Variants in ZFP1 observed in about 807,000 individuals in gnomAD.
ZFP1 encodes the protein zinc finger protein 1 homolog.
In ZFP1, 32 loss-of-function variants were observed where a neutral mutation model predicts 38.5. The ratio of observed to expected loss-of-function variants is 0.83; its 90% CI spans 0.63 to 1.12. The LOEUF (loss-of-function observed/expected upper bound fraction) is 1.12. ZFP1 is among the 50% of genes most tolerant of loss of function. The pLI is 0.00. For missense variants in ZFP1, 616 were observed against 480.8 expected (o/e 1.28, Z -2.63); for synonymous variants, 245 against 168.8 (o/e 1.45, Z -3.50).
rs2038421345 is a variant in ZFP1, at chr16:75,171,325, T to A, written c.*991T>A. On this transcript the variant is annotated 3_prime_UTR_variant, in exon 4 of 4. Transcript: ENST00000570010. ...CATTTCAGAGACTTTAGAGGAAAAA[T>A]TATTTTAAATAACTGTCAACTGTTT... The A allele has an allele frequency of 6.6e-6, 1 of 152,176 alleles. No homozygotes were observed. Among genetic ancestry groups the A allele is most frequent in the Non-Finnish European group, 1.5e-5 (1 of 68,044 alleles). 9.4% of individuals were successfully genotyped at this position (152,176 alleles called of 1,614,324 possible). A position where few individuals can be genotyped will look rare whatever the true frequency, so the allele number is the denominator to read the frequency against.
chr16:75,166,580 T>G (rs2038094580), intron 2 of ZFP1, 190 bp from the exon 3 acceptor site: 1 of 985,168 alleles, frequency 1.0e-6, no homozygotes, highest in South Asian at 4.7e-5. Context: ...GTGCCAGAGA[T>G]ATAGGGGAAT....
At chr16:75,144,397 C>A (rs546094009), upstream of ZFP1, among the ~76,000 whole-genome samples, 34 of 152,240 alleles carry the variant, frequency 2.2e-4, no homozygotes, top group African/African-American at 7.9e-4. Context: ...TAGTGTTTCC[C>A]CAAATTCTCC....
chr16:75,153,623 C>A (rs1461436919), intron 2 of ZFP1, among the ~76,000 whole-genome samples: 1 of 152,072 alleles, frequency 6.6e-6, no homozygotes, highest in Non-Finnish European at 1.5e-5. Context: ...CCCTCATTCC[C>A]AACCCCTACC....
At chr16:75,163,743 C>G (rs1488912174) in intron 2 of ZFP1, among the ~76,000 whole-genome samples, 1 of 151,894 alleles carries the variant, frequency 6.6e-6, no homozygotes, top group African/African-American at 2.4e-5. Context: ...TCCCACATAG[C>G]TGGGACTACA....
At chr16:75,153,040 A>G in intron 2 of ZFP1, 74 bp downstream of exon 2, 1 of 1,572,056 alleles carries the variant, frequency 6.4e-7, no homozygotes, top group Admixed American at 1.8e-5. Context: ...AGAAAATGAA[A>G]TAGAAAAGTA....
At chr16:75,131,954 C>T in the ZFP1 span, among the ~76,000 whole-genome samples, 1 of 149,970 alleles carries the variant, frequency 6.7e-6, no homozygotes, top group East Asian at 2.0e-4. Context: ...GACAGAGTGA[C>T]AGAGATTCCA....
At chr16:75,167,022 A>G (rs2038125611) in intron 3 of ZFP1, 126 bp downstream of exon 3, 18 of 1,486,998 alleles carry the variant, frequency 1.2e-5, no homozygotes, top group Middle Eastern at 1.8e-4. Flanking sequence ...ATTAAACCTG[A>G]GAGATCTTGC....
the ZFP1 span, among the ~76,000 whole-genome samples, chr16:75,122,899 G>A: frequency 8.6e-3 from 1,303 of 152,250 alleles, 11 homozygotes; most frequent in Non-Finnish European, 0.013. Context: ...TGCAATGGCA[G>A]TTCCATAATT....
intron 2 of ZFP1, 110 bp downstream of exon 2, chr16:75,153,076 C>T: frequency 7.1e-7 from 1 of 1,404,806 alleles, no homozygotes; most frequent in Non-Finnish European, 9.7e-7. Flanking sequence ...GGAAACATAG[C>T]AAGAATAACT....
the ZFP1 span, among the ~76,000 whole-genome samples, chr16:75,130,576 T>A: frequency 1.3e-5 from 2 of 152,188 alleles, no homozygotes; most frequent in South Asian, 4.1e-4. Context: ...TGAGATCTTA[T>A]TGGGAAGCTG....
At chr16:75,133,281 C>A in the ZFP1 span, among the ~76,000 whole-genome samples, 2 of 152,088 alleles carry the variant, frequency 1.3e-5, no homozygotes, top group East Asian at 3.9e-4. Context: ...TGGCCTTTAA[C>A]TTTTATTTTA....
In ZFP1 at chr16:75,170,112, C is replaced by T. The variant is rs2038343211; in HGVS notation, c.1002C>T (p.Ile334=). ...GCAGTGAATGTGGAAAATCCTTTAT[C>T]CAGAACTCACAGCTCATCATACACA... ...YECSECGKSF[I]QNSQLIIHMR... The change falls in exon 4 of 4, where the codon ATC becomes ATT. Residue 334 remains isoleucine, a synonymous_variant. Transcript: ENST00000570010. 1.2e-6 allele frequency: 2 copies of T among 1,613,832 alleles called. No individual in the cohort carries two copies. The highest frequency in any genetic ancestry group is 1.3e-5 in the African/African-American group (1 of 74,918).
chr16:75,150,954 G>A (rs979665536), intron 1 of ZFP1, among the ~76,000 whole-genome samples: 10 of 152,024 alleles, frequency 6.6e-5, no homozygotes, highest in African/African-American at 2.4e-4. Flanking sequence ...CTGCAGGTGT[G>A]CGCCCTAATC....
intron 2 of ZFP1, among the ~76,000 whole-genome samples, chr16:75,158,324 A>G (rs546797977): frequency 2.0e-5 from 3 of 149,510 alleles, no homozygotes; most frequent in South Asian, 2.1e-4. Context: ...GATCCAGCCT[A>G]TTTCTGTCTA....
intron 2 of ZFP1, among the ~76,000 whole-genome samples, chr16:75,158,291 C>T (rs190842033): frequency 2.6e-5 from 4 of 151,740 alleles, no homozygotes; most frequent in Admixed American, 2.6e-4. Flanking sequence ...ATGAACACAG[C>T]TCACTGCAGC....
At position 75,170,509 on chromosome 16, in the gene ZFP1, T is replaced by G; in HGVS notation, c.*175T>G. ...ACATTATACTGGAAGTTACATGTGA[T>G]ACCCAGCTAAAGAATACATATCAGA... On this transcript the variant is annotated 3_prime_UTR_variant, in exon 4 of 4. Transcript: ENST00000570010. 2 of 926,958 alleles carry G rather than the reference T, an allele frequency of 2.2e-6. No individual in the cohort carries two copies. Among genetic ancestry groups the G allele is most frequent in the Non-Finnish European group, 3.0e-6 (2 of 673,284 alleles). The allele number at this position is 926,958 out of a possible 1,614,324, so 57.4% of individuals were successfully genotyped here. A position where few individuals can be genotyped will look rare whatever the true frequency, so the allele number is the denominator to read the frequency against.
At chr16:75,152,372 A>G (rs12445986) in intron 1 of ZFP1, among the ~76,000 whole-genome samples, 119,110 of 152,110 alleles carry the variant, frequency 0.78, 47,806 homozygotes, top group Non-Finnish European at 0.87. Context: ...TGGATGCTCT[A>G]TCCTTTTATG....
At chr16:75,130,848 G>T in the ZFP1 span, among the ~76,000 whole-genome samples, 3 of 151,476 alleles carry the variant, frequency 2.0e-5, no homozygotes, top group Admixed American at 2.0e-4. Flanking sequence ...AAAACTGAGG[G>T]ATAAAGACCA....
intron 2 of ZFP1, 93 bp downstream of exon 2, chr16:75,153,059 A>T: frequency 6.6e-7 from 1 of 1,505,012 alleles, no homozygotes; most frequent in Non-Finnish European, 9.0e-7. Context: ...TATGAATAAG[A>T]CACAAAGGAA....
Sources: gnomAD v4.1 joint callset for allele counts (sites outside exome capture counted in the v4.1 genomes callset) on GRCh38, gnomAD v4.1.1 for gene constraint, MANE v1.5 for transcripts, NCBI Gene and HGNC (gene_info 2026-07-23, HGNC 2026-07-21) for gene names.